HIP1: variants seen among roughly 807,000 people sequenced by gnomAD.
HIP1 encodes huntingtin interacting protein 1, also known as huntingtin-interacting protein 1.
A neutral mutation model predicts 147.6 loss-of-function variants in HIP1; 65 were observed. That is an observed-to-expected ratio of 0.44 (90% CI 0.36 to 0.54). HIP1 has a LOEUF of 0.54. Among genes scored for constraint, HIP1 ranks in the 20% least tolerant of loss-of-function variants. HIP1 has a pLI of 0.00. For synonymous variants in HIP1, 479 were observed against 504.0 expected, an observed-to-expected ratio of 0.95 and a Z score of 0.67; for missense variants, 1,061 against 1,299.6, an observed-to-expected ratio of 0.82 and a Z score of 2.82.
At position 75,568,391 on chromosome 7, in the gene HIP1, A is replaced by T. The variant is rs1795489985; in HGVS notation, c.746-135T>A. 2.9e-6 allele frequency: 2 copies of T among 695,118 alleles called. No individual in the cohort carries two copies. The highest frequency in any genetic ancestry group is 3.6e-4 in the Middle Eastern group (1 of 2,798). The allele number at this position is 695,118 out of a possible 1,614,324, so 43.1% of individuals were successfully genotyped here. ...CACTGCCAGGGGCCACGACTGGCCT[A>T]GAGCTGTCCCGAGGTCTGGTAACCA... On this transcript the variant is annotated intron_variant, in intron 8 of 30. Coordinates refer to ENST00000336926, the MANE Select transcript of HIP1 (RefSeq NM_005338.7). This position sits in a 1 kb window ranked among gnomAD's most constrained non-coding sequence, Gnocchi z 4.1.
At chr7:75,577,864 G>T (rs1795900986) in intron 7 of HIP1, among the ~76,000 whole-genome samples, 1 of 152,058 alleles carries the variant, frequency 6.6e-6, no homozygotes, top group Non-Finnish European at 1.5e-5. Context: ...GCCGGGCGTG[G>T]TGGCACACAC....
chr7:75,723,783 A>C (rs1801567666), intron 1 of HIP1, among the ~76,000 whole-genome samples: 1 of 152,080 alleles, frequency 6.6e-6, no homozygotes, highest in African/African-American at 2.4e-5. Context: ...CCCTGCTTTA[A>C]GATCCTTAAT....
intron 1 of HIP1, among the ~76,000 whole-genome samples, chr7:75,727,677 C>T (rs929596809): frequency 6.6e-6 from 1 of 151,924 alleles, no homozygotes; most frequent in African/African-American, 2.4e-5. Context: ...GAAACCCCGT[C>T]TCTACTAAAA....
In HIP1 at chr7:75,718,174, AAT is replaced by A. The variant is rs1801380883; in HGVS notation, c.120+20625_120+20626del. Among the ~76,000 whole-genome samples, 3 of 151,922 alleles carry A rather than the reference AAT, an allele frequency of 2.0e-5. No individual in the cohort carries two copies. The South Asian group carries it at 6.2e-4, about 32-fold the overall frequency. On this transcript the variant is annotated intron_variant, in intron 1 of 30. Coordinates refer to ENST00000336926, the MANE Select transcript of HIP1 (RefSeq NM_005338.7). ...TGCAAGGAAGCCTTATGGTAAAAAA[AAT>A]AAAATTAAAAATAAATAAATAAAAA...
chr7:75,664,050 GTATATACACATATATGTGTA>G (rs1799438452), intron 1 of HIP1, among the ~76,000 whole-genome samples: 1 of 16,520 alleles, frequency 6.1e-5, no homozygotes, highest in Non-Finnish European at 1.0e-4. Context: ...ACATATATGT[GTATATACACATATATGTGTA>G]TATACACACA....
intron 1 of HIP1, among the ~76,000 whole-genome samples, chr7:75,635,984 C>G (rs13245693): frequency 0.13 from 18,173 of 145,042 alleles, 1,766 homozygotes; most frequent in African/African-American, 0.27. Flanking sequence ...GAGAATGCGC[C>G]ACTGCACTCC....
intron 1 of HIP1, among the ~76,000 whole-genome samples, chr7:75,656,292 A>G (rs2117199891): frequency 6.6e-6 from 1 of 152,224 alleles, no homozygotes; most frequent in Non-Finnish European, 1.5e-5. Context: ...TTAGTTTATA[A>G]TAAAGGTGGC....
intron 21 of HIP1, 69 bp downstream of exon 21, chr7:75,554,044 C>G: frequency 4.1e-6 from 5 of 1,220,264 alleles, no homozygotes; most frequent in Non-Finnish European, 6.0e-6. Flanking sequence ...TGCGCCCGGC[C>G]CAACAGAGAC....
chr7:75,686,588 A>G (rs1353191444), intron 1 of HIP1, among the ~76,000 whole-genome samples: 2 of 152,064 alleles, frequency 1.3e-5, no homozygotes, highest in Admixed American at 1.3e-4. Flanking sequence ...CTGGAAGGAG[A>G]TAAGGAAGGA....
At chr7:75,547,122 A>G in intron 24 of HIP1, 90 bp from the exon 25 acceptor site, 2 of 1,106,472 alleles carry the variant, frequency 1.8e-6, no homozygotes, top group Non-Finnish European at 2.7e-6. Flanking sequence ...AGCCAAAGGC[A>G]AGCTTGGAAT....
rs782012723 is a variant in HIP1 at position 75,715,456 on chromosome 7, C to CAGAG, written c.120+23344_120+23345insCTCT. On this transcript the variant is annotated intron_variant, in intron 1 of 30. Transcript: ENST00000336926. ...AGGAAAGAAGGGAGAGAGAGACACACACAGAGAGAGAGAGAGAGAGAGAGA... is the reference window on the plus strand; with the variant it reads ...AGGAAAGAAGGGAGAGAGAGACACACAGAGACAGAGAGAGAGAGAGAGAGAGAGA... Among the ~76,000 whole-genome samples, 107 of 143,594 alleles carry CAGAG rather than the reference C, an allele frequency of 7.5e-4. 1 individual carries two copies. Among genetic ancestry groups the CAGAG allele is most frequent in the South Asian group, 3.8e-3 (17 of 4,510 alleles). 94.2% of individuals were successfully genotyped at this position (143,594 alleles called of 152,430 possible).
chr7:75,729,808 C>A (rs144684165), intron 1 of HIP1, among the ~76,000 whole-genome samples: 192 of 137,132 alleles, frequency 1.4e-3, no homozygotes, highest in African/African-American at 5.2e-3. Context: ...AACAAACAAA[C>A]AAAAATCACA....
intron 5 of HIP1, among the ~76,000 whole-genome samples, 186 bp downstream of exon 5, chr7:75,586,567 T>C (rs1796289932): frequency 6.6e-6 from 1 of 152,128 alleles, no homozygotes; most frequent in Non-Finnish European, 1.5e-5. Context: ...AATCCCAGCC[T>C]TCGTCACACC....
intron 1 of HIP1, among the ~76,000 whole-genome samples, chr7:75,667,415 T>C (rs1799594732): frequency 6.6e-6 from 1 of 152,246 alleles, no homozygotes; most frequent in African/African-American, 2.4e-5. Flanking sequence ...AGGCTGTTGT[T>C]GTAGAGACCA....
intron 27 of HIP1, 89 bp downstream of exon 27, chr7:75,544,606 C>T: frequency 1.3e-6 from 1 of 791,962 alleles, no homozygotes; most frequent in East Asian, 2.5e-5. Flanking sequence ...CAGCCAAGTA[C>T]TGCCTAACGC....
chr7:75,544,716 GGCTGT>G lies in HIP1; in HGVS notation c.2740_2744del (p.Thr914ProfsTer11). 6.2e-7 allele frequency: 1 copy of G among 1,612,290 alleles called. No individual in the cohort carries two copies. The highest frequency in any genetic ancestry group is 8.5e-7 in the Non-Finnish European group (1 of 1,178,348). On this transcript the variant is annotated frameshift_variant, in exon 27 of 31. Coordinates refer to ENST00000336926, the MANE Select transcript of HIP1 (RefSeq NM_005338.7). LOFTEE classifies it high-confidence loss of function. ...CTACCTTGGATGCAGCCACAAGCTG[GGCTGT>G]GCTAGCAGCAATTTCATGAGAACAC... is the stretch of plus-strand genomic sequence containing the variant.
At chr7:75,727,408 C>CTTT (rs34320652) in intron 1 of HIP1, among the ~76,000 whole-genome samples, 1 of 143,274 alleles carries the variant, frequency 7.0e-6, no homozygotes, top group Non-Finnish European at 1.5e-5. Context: ...TTCTTTCTTT[C>CTTT]TTTTTTTTTT....
chr7:75,613,233 G>T (rs1797511906), intron 1 of HIP1, among the ~76,000 whole-genome samples: 3 of 152,166 alleles, frequency 2.0e-5, no homozygotes, highest in Non-Finnish European at 4.4e-5. Flanking sequence ...AGGATGACAG[G>T]GAGAGTACAG....
At chr7:75,643,729 G>C (rs1282805569) in intron 1 of HIP1, among the ~76,000 whole-genome samples, 1 of 152,204 alleles carries the variant, frequency 6.6e-6, no homozygotes, top group Admixed American at 6.6e-5. Context: ...GCTGGGCGCG[G>C]TGGCTCACAC....
Sources: allele counts gnomAD v4.1 joint callset (sites outside exome capture counted in the v4.1 genomes callset), GRCh38; gene constraint gnomAD v4.1.1; non-coding constraint Gnocchi (gnomAD v3.1); transcripts MANE v1.5; gene names NCBI Gene and HGNC (gene_info 2026-07-23, HGNC 2026-07-21).